ELOVL6: variants seen among roughly 807,000 people sequenced by gnomAD.
ELOVL6 encodes the protein ELOVL fatty acid elongase 6.
A neutral mutation model predicts 31.7 loss-of-function variants in ELOVL6; 8 were observed. The observed-to-expected ratio is 0.25, with a 90% confidence interval of 0.15 to 0.45. ELOVL6 has a LOEUF of 0.45. ELOVL6 is among the 20% of genes least tolerant of loss of function. ELOVL6 has a pLI of 1.00. For synonymous variants in ELOVL6, 101 were observed against 117.7 expected, an observed-to-expected ratio of 0.86 and a Z score of 0.92; for missense variants, 126 against 326.4, an observed-to-expected ratio of 0.39 and a Z score of 4.73.
intron 1 of ELOVL6, among the ~76,000 whole-genome samples, chr4:110,114,100 A>T (rs1429859011): frequency 3.9e-5 from 6 of 152,206 alleles, no homozygotes; most frequent in Non-Finnish European, 8.8e-5. Context: ...AACGAAAAAA[A>T]GTGTAACAAT....
intron 1 of ELOVL6, among the ~76,000 whole-genome samples, chr4:110,129,698 C>T (rs1757610944): frequency 6.6e-6 from 1 of 152,134 alleles, no homozygotes. Flanking sequence ...CATCTTATAG[C>T]CGTGGGGCAG....
rs78851731 is a variant in ELOVL6 at position 110,071,766 on chromosome 4, T to C, written c.222-12012A>G. On this transcript the variant is annotated intron_variant, in intron 2 of 3. Coordinates refer to ENST00000302274, the MANE Select transcript of ELOVL6 (RefSeq NM_024090.3). Reference sequence around the variant, plus strand: ...GCAAGGGGTTTTGTGTTTTAAAAGATTGCTCAAATACCACCACTGAAAAGA... The same window carrying C: ...GCAAGGGGTTTTGTGTTTTAAAAGACTGCTCAAATACCACCACTGAAAAGA... Among the ~76,000 whole-genome samples the C allele has an allele frequency of 4.1e-3, 632 of 152,300 alleles. 3 individuals are homozygous for C. Among genetic ancestry groups the C allele is most frequent in the African/African-American group, 0.014 (584 of 41,554 alleles).
intron 1 of ELOVL6, among the ~76,000 whole-genome samples, chr4:110,107,149 C>T (rs1756911798): frequency 6.6e-6 from 1 of 152,164 alleles, no homozygotes; most frequent in Non-Finnish European, 1.5e-5. Flanking sequence ...TCATAAGGGA[C>T]CTTGCTATTT....
At chr4:110,169,060 C>T (rs1291561698) in intron 1 of ELOVL6, among the ~76,000 whole-genome samples, 1 of 152,060 alleles carries the variant, frequency 6.6e-6, no homozygotes, top group Admixed American at 6.6e-5. Flanking sequence ...CTCTTGGGCT[C>T]AAGCAATTCT....
At chr4:110,066,787 T>G (rs1471775488) in intron 2 of ELOVL6, among the ~76,000 whole-genome samples, 1 of 152,144 alleles carries the variant, frequency 6.6e-6, no homozygotes, top group African/African-American at 2.4e-5. Context: ...CTGGGATACA[T>G]GTGCAGAACG....
chr4:110,185,249 T>C (rs1218026419), intron 1 of ELOVL6, among the ~76,000 whole-genome samples: 2 of 152,240 alleles, frequency 1.3e-5, no homozygotes, highest in Non-Finnish European at 2.9e-5. Flanking sequence ...GCAAGAGCAG[T>C]AATTCAAAAC....
At chr4:110,068,664 G>T (rs972675873) in intron 2 of ELOVL6, among the ~76,000 whole-genome samples, 3 of 152,150 alleles carry the variant, frequency 2.0e-5, no homozygotes, top group Non-Finnish European at 4.4e-5. Context: ...TAACTCCCTT[G>T]CTTTTCAGAG....
At chr4:110,081,206 T>C (rs1217143312) in intron 2 of ELOVL6, among the ~76,000 whole-genome samples, 1 of 152,110 alleles carries the variant, frequency 6.6e-6, no homozygotes, top group African/African-American at 2.4e-5. Context: ...CCCATCAAGC[T>C]ACCAATGATT....
intron 1 of ELOVL6, among the ~76,000 whole-genome samples, chr4:110,178,762 G>C (rs184665238): frequency 5.3e-5 from 8 of 152,216 alleles, no homozygotes; most frequent in African/African-American, 1.9e-4. Flanking sequence ...CCTGAGGCTG[G>C]AGAATCACTT....
chr4:110,143,446 A>G (rs570275493), intron 1 of ELOVL6, among the ~76,000 whole-genome samples: 10 of 152,310 alleles, frequency 6.6e-5, no homozygotes, highest in Middle Eastern at 3.4e-3. Flanking sequence ...GCTGATTTTC[A>G]GAAGAAAAAT....
At chr4:110,155,012 G>T (rs77142066) in intron 1 of ELOVL6, among the ~76,000 whole-genome samples, 1 of 152,144 alleles carries the variant, frequency 6.6e-6, no homozygotes, top group East Asian at 1.9e-4. Flanking sequence ...TTTTAAGCAC[G>T]TTAGGCACTT....
At chr4:110,116,265 T>G (rs992218470) in intron 1 of ELOVL6, among the ~76,000 whole-genome samples, 1 of 152,218 alleles carries the variant, frequency 6.6e-6, no homozygotes, top group Non-Finnish European at 1.5e-5. Context: ...CCATGTGGAT[T>G]AAACTAAATC....
At chr4:110,160,148 C>A (rs1758591334) in intron 1 of ELOVL6, among the ~76,000 whole-genome samples, 1 of 151,894 alleles carries the variant, frequency 6.6e-6, no homozygotes, top group Non-Finnish European at 1.5e-5. Context: ...TATTGGATGT[C>A]TTTTTAACAG....
At chr4:110,084,200 GATATATATAACA>G (rs1157464361) in intron 2 of ELOVL6, among the ~76,000 whole-genome samples, 4 of 66,288 alleles carry the variant, frequency 6.0e-5, no homozygotes, top group African/African-American at 2.9e-4. Context: ...TAACTTATAT[GATATATATAACA>G]TATAACTTAT....
chr4:110,092,252 C>T (rs1756447692), intron 2 of ELOVL6, among the ~76,000 whole-genome samples: 1 of 152,174 alleles, frequency 6.6e-6, no homozygotes, highest in Non-Finnish European at 1.5e-5. Context: ...TCATCAAAAA[C>T]AGATGACAGT....
intron 1 of ELOVL6, among the ~76,000 whole-genome samples, chr4:110,170,846 GC>G: frequency 6.6e-6 from 1 of 152,224 alleles, no homozygotes; most frequent in Non-Finnish European, 1.5e-5. Flanking sequence ...AACTCCCACA[GC>G]CCTGTTAAAG....
At position 110,061,549 on chromosome 4, in the gene ELOVL6, C is replaced by CTTT. The variant is rs57846282; in HGVS notation, c.222-1798_222-1796dup. ...CTGTCTTTCCCTCACCAAATGATGG[C>CTTT]TTTTTTTTTTTTTTTTTTTTTTTTT... On this transcript the variant is annotated intron_variant, in intron 2 of 3. Transcript: ENST00000302274. Among the ~76,000 whole-genome samples the CTTT allele has an allele frequency of 4.7e-3, 340 of 72,376 alleles. 11 individuals are homozygous for CTTT. Among genetic ancestry groups the CTTT allele is most frequent in the Middle Eastern group, 0.011 (1 of 90 alleles). The allele number at this position is 72,376 out of a possible 152,430, so 47.5% of individuals were successfully genotyped here.
intron 1 of ELOVL6, among the ~76,000 whole-genome samples, chr4:110,156,951 A>G (rs1171429049): frequency 6.6e-6 from 1 of 152,228 alleles, no homozygotes; most frequent in Non-Finnish European, 1.5e-5. Flanking sequence ...AAGAAGCCAT[A>G]ACAAGGCTGG....
intron 1 of ELOVL6, among the ~76,000 whole-genome samples, chr4:110,128,485 G>C (rs1429113085): frequency 6.6e-6 from 1 of 152,174 alleles, no homozygotes; most frequent in Non-Finnish European, 1.5e-5. Flanking sequence ...AAGTCTGGTG[G>C]GAATGGCACA....
Sources: gnomAD v4.1 joint callset for allele counts (sites outside exome capture counted in the v4.1 genomes callset) on GRCh38, gnomAD v4.1.1 for gene constraint, MANE v1.5 for transcripts, NCBI Gene and HGNC (gene_info 2026-07-23, HGNC 2026-07-21) for gene names.